The following XXYLT1 variants were observed in gnomAD, a reference collection of about 807,000 sequenced individuals.
XXYLT1 encodes UDP-xylose:alpha-xyloside alpha-1,3-xylosyltransferase.
A neutral mutation model predicts 28.9 loss-of-function variants in XXYLT1; 20 were observed. The observed-to-expected ratio is 0.69, with a 90% CI of 0.49 to 1.00. XXYLT1 has a LOEUF of 1.00. XXYLT1 is among the 50% of genes least tolerant of loss of function. The pLI, the probability that XXYLT1 is intolerant of heterozygous loss-of-function variation, is 0.00. For synonymous variants in XXYLT1, 257 were observed against 253.8 expected (o/e 1.01, Z -0.12); for missense variants, 542 against 560.1 (o/e 0.97, Z 0.33).
chr3:195,155,022 C>A lies in XXYLT1; in HGVS notation c.785+1427G>T, dbSNP rs188985484. On this transcript the variant is annotated intron_variant, in intron 3 of 3. Transcript: ENST00000310380. ...TTAAGATGGCAGGTGTCTGCCCAAA[C>A]CCTCTCAAGTCGCCAACCCCTGACC... Among the ~76,000 whole-genome samples, 551 of 152,306 alleles carry A rather than the reference C, an allele frequency of 3.6e-3. 5 individuals are homozygous for A. Among genetic ancestry groups the A allele is most frequent in the African/African-American group, 0.013 (539 of 41,560 alleles).
intron 3 of XXYLT1, among the ~76,000 whole-genome samples, chr3:195,119,967 T>C (rs1718262685): frequency 6.6e-6 from 1 of 152,136 alleles, no homozygotes; most frequent in Non-Finnish European, 1.5e-5. Context: ...CTGCATTCCC[T>C]TGGGATGGGA....
chr3:195,197,552 G>A (rs1722679368), intron 2 of XXYLT1, among the ~76,000 whole-genome samples: 2 of 151,960 alleles, frequency 1.3e-5, no homozygotes, highest in African/African-American at 4.8e-5. Context: ...AGTATCCTTG[G>A]GAAATAATAT....
Position 195,250,256 on chromosome 3 carries a change from G to A in XXYLT1, c.504+20299C>T, listed in dbSNP as rs540597410. On this transcript the variant is annotated intron_variant, in intron 1 of 3. Transcript: ENST00000310380. ...GTCACCTTTTAGTGACAGCTTCCCT[G>A]CCCATCCAATTAAAAACTGCAACTG... 3.1e-4 allele frequency among the ~76,000 whole-genome samples: 47 copies of A among 152,204 alleles called. 1 individual carries two copies. In the East Asian group the frequency reaches 8.9e-3, roughly 29 times the overall value.
intron 1 of XXYLT1, among the ~76,000 whole-genome samples, chr3:195,252,263 C>G (rs991884194): frequency 7.9e-5 from 12 of 152,106 alleles, no homozygotes; most frequent in African/African-American, 2.9e-4. Context: ...GTAAATACCT[C>G]TGGAGGGAGT....
chr3:195,235,825 C>G (rs1724511114), intron 1 of XXYLT1, among the ~76,000 whole-genome samples: 1 of 151,616 alleles, frequency 6.6e-6, no homozygotes, highest in Non-Finnish European at 1.5e-5. Flanking sequence ...TGGAAGAATT[C>G]TCCGAATTAC....
chr3:195,155,699 C>G (rs537098203), intron 3 of XXYLT1, among the ~76,000 whole-genome samples: 1 of 151,664 alleles, frequency 6.6e-6, no homozygotes, highest in African/African-American at 2.4e-5. Context: ...AGCATCACCC[C>G]CCTTCTCCTT....
At chr3:195,112,247 C>T (rs1462168546) in intron 3 of XXYLT1, among the ~76,000 whole-genome samples, 2 of 152,150 alleles carry the variant, frequency 1.3e-5, no homozygotes, top group Admixed American at 6.5e-5. Flanking sequence ...GTTCTGTGGG[C>T]TGCCATGGCT....
At chr3:195,110,669 GTGTA>G (rs1190766059) in intron 3 of XXYLT1, among the ~76,000 whole-genome samples, 1 of 67,080 alleles carries the variant, frequency 1.5e-5, no homozygotes, top group Admixed American at 1.6e-4. Context: ...GTTGTGTGTG[GTGTA>G]TGTGTGTGTG....
At chr3:195,179,057 T>G (rs934988096) in intron 2 of XXYLT1, among the ~76,000 whole-genome samples, 6 of 152,088 alleles carry the variant, frequency 3.9e-5, no homozygotes, top group Non-Finnish European at 8.8e-5. Flanking sequence ...GAACTCATGA[T>G]GGGGCCGGGC....
At chr3:195,172,208 C>A (rs1271916874) in intron 2 of XXYLT1, among the ~76,000 whole-genome samples, 2 of 152,222 alleles carry the variant, frequency 1.3e-5, no homozygotes, top group African/African-American at 2.4e-5. Context: ...CAGAGCCCTT[C>A]TGCTTTTCAA....
chr3:195,223,932 G>A (rs6779129), intron 2 of XXYLT1, among the ~76,000 whole-genome samples: 5,006 of 152,186 alleles, frequency 0.033, 296 homozygotes, highest in African/African-American at 0.11. Context: ...CGAGGCGGGC[G>A]GATCATCTGA....
Position 195,214,244 on chromosome 3 carries a change from C to A in XXYLT1, c.652+12465G>T, listed in dbSNP as rs1723458514. The stretch of plus-strand genomic sequence containing the variant: ...AAGAAAATTCCAGAAAGAAGGAAAG[C>A]CCCCTCTGTGCATGGGACCATGCTC... On this transcript the variant is annotated intron_variant, in intron 2 of 3. Transcript: ENST00000310380. Among the ~76,000 whole-genome samples the A allele has an allele frequency of 2.0e-5, 3 of 152,200 alleles. No homozygotes were observed. The South Asian group carries it at 6.2e-4, about 32-fold the overall frequency.
chr3:195,179,791 C>T (rs1721857517), intron 2 of XXYLT1, among the ~76,000 whole-genome samples: 1 of 152,094 alleles, frequency 6.6e-6, no homozygotes, highest in Admixed American at 6.5e-5. Context: ...ATTCCACTTG[C>T]AGCCGTAGAG....
chr3:195,246,343 C>T (rs899140599), intron 1 of XXYLT1, among the ~76,000 whole-genome samples: 1 of 152,208 alleles, frequency 6.6e-6, no homozygotes, highest in Non-Finnish European at 1.5e-5. Flanking sequence ...TTCTTCCCCT[C>T]ACCCTGCTCG....
rs572025195 is a variant in XXYLT1 at position 195,078,269 on chromosome 3, T to G, written c.786-8158A>C. 1.3e-4 allele frequency among the ~76,000 whole-genome samples: 20 copies of G among 152,134 alleles called. No individual in the cohort carries two copies. The highest frequency in any genetic ancestry group is 3.3e-4 in the Admixed American group (5 of 15,280). Reference sequence around the variant, plus strand: ...GGTGGTACGGAATTCTGGAGAGTTCTGACATTTAGGGCGTGGAAGAAGAGG... The same window carrying G: ...GGTGGTACGGAATTCTGGAGAGTTCGGACATTTAGGGCGTGGAAGAAGAGG... On this transcript the variant is annotated intron_variant, in intron 3 of 3. Coordinates refer to ENST00000310380, the MANE Select transcript of XXYLT1 (RefSeq NM_152531.5). This position sits in a 1 kb window ranked among gnomAD's most constrained non-coding sequence, Gnocchi z 5.0.
chr3:195,253,885 C>T (rs944849278), intron 1 of XXYLT1, among the ~76,000 whole-genome samples: 1 of 152,232 alleles, frequency 6.6e-6, no homozygotes, highest in Non-Finnish European at 1.5e-5. Flanking sequence ...GCCTACCTGG[C>T]AGTTTACATC....
chr3:195,270,453 T>C, intron 1 of XXYLT1, 102 bp downstream of exon 1: 1 of 1,339,700 alleles, frequency 7.5e-7, no homozygotes, highest in Non-Finnish European at 9.5e-7. Context: ...TCAGGGAAGA[T>C]CCTACCCGCT....
intron 2 of XXYLT1, among the ~76,000 whole-genome samples, chr3:195,213,286 C>T (rs573287444): frequency 6.4e-4 from 90 of 139,790 alleles, no homozygotes; most frequent in African/African-American, 1.7e-3. Context: ...TTTTTTGAGA[C>T]GGAGCTTCGC....
At chr3:195,251,028 G>A (rs950470191) in intron 1 of XXYLT1, among the ~76,000 whole-genome samples, 4 of 152,178 alleles carry the variant, frequency 2.6e-5, no homozygotes, top group Non-Finnish European at 4.4e-5. Flanking sequence ...TCCCTCTGTC[G>A]GCATAAATGT....
Sources: gnomAD v4.1 joint callset for allele counts (sites outside exome capture counted in the v4.1 genomes callset) on GRCh38, gnomAD v4.1.1 for gene constraint, Gnocchi (gnomAD v3.1) non-coding constraint, MANE v1.5 for transcripts, NCBI Gene and HGNC (gene_info 2026-07-23, HGNC 2026-07-21) for gene names.